The following ANKRD11 variants were observed in gnomAD, a reference collection of about 807,000 sequenced individuals.
The protein encoded by ANKRD11 is ankyrin repeat domain-containing protein 11.
In ANKRD11, 17 loss-of-function variants were observed where a neutral mutation model predicts 195.7. The ratio of observed to expected loss-of-function variants is 0.09; its 90% CI spans 0.06 to 0.13. The LOEUF is 0.13. Among genes scored for constraint, ANKRD11 ranks in the 10% least tolerant of loss-of-function variants. ANKRD11 has a pLI of 1.00. For synonymous variants in ANKRD11, 1,953 were observed against 1,528.1 expected, an observed-to-expected ratio of 1.28 and a Z score of -6.49; for missense variants, 3,735 against 3,566.1, an observed-to-expected ratio of 1.05 and a Z score of -1.21.
chr16:89,337,034 A>AAC, intron 2 of ANKRD11, among the ~76,000 whole-genome samples: 1 of 145,890 alleles, frequency 6.9e-6, no homozygotes. Flanking sequence ...AAAAAAAAAA[A>AAC]AATTAGCCAG....
chr16:89,489,219 ACACACACG>A (rs1170422330), intron 1 of ANKRD11: 1 of 107,032 alleles, frequency 9.3e-6, no homozygotes, highest in Non-Finnish European at 2.1e-5. Flanking sequence ...CTACACACAC[ACACACACG>A]CGCGCGCGCG....
intron 1 of ANKRD11, among the ~76,000 whole-genome samples, chr16:89,428,511 C>G (rs775911751): frequency 6.6e-6 from 1 of 150,820 alleles, no homozygotes; most frequent in Non-Finnish European, 1.5e-5. Context: ...GGTGACAGAG[C>G]GAGACTACAT....
chr16:89,390,031 G>A (rs1469210369), intron 2 of ANKRD11, among the ~76,000 whole-genome samples: 1 of 88,212 alleles, frequency 1.1e-5, no homozygotes. Context: ...CGAGTGTGAC[G>A]GGGAGCACCG....
chr16:89,273,608 A>G (rs2033374602), intron 11 of ANKRD11, among the ~76,000 whole-genome samples: 1 of 152,052 alleles, frequency 6.6e-6, no homozygotes, highest in Non-Finnish European at 1.5e-5. Flanking sequence ...GAGGCAGGAG[A>G]ATCGCTTGAA....
intron 2 of ANKRD11, among the ~76,000 whole-genome samples, chr16:89,369,566 A>G (rs968679671): frequency 6.6e-6 from 1 of 152,242 alleles, no homozygotes; most frequent in Non-Finnish European, 1.5e-5. Flanking sequence ...CCACAGACAG[A>G]AAACAAGACT....
intron 2 of ANKRD11, among the ~76,000 whole-genome samples, chr16:89,368,402 T>TTA (rs1567708994): frequency 1.1e-5 from 1 of 94,730 alleles, no homozygotes; most frequent in African/African-American, 4.0e-5. Context: ...TTTTTTTTTT[T>TTA]AGTAGAGATG....
At chr16:89,322,367 TC>T (rs1198214060) in intron 2 of ANKRD11, among the ~76,000 whole-genome samples, 1 of 152,232 alleles carries the variant, frequency 6.6e-6, no homozygotes, top group East Asian at 1.9e-4. Flanking sequence ...GGGCAAATGC[TC>T]CTCTCCTTAT....
At chr16:89,407,544 C>T (rs1206159146) in intron 2 of ANKRD11, among the ~76,000 whole-genome samples, 4 of 152,122 alleles carry the variant, frequency 2.6e-5, no homozygotes, top group African/African-American at 4.8e-5. Flanking sequence ...TTCTGGGCCG[C>T]GCAACATGGC....
intron 1 of ANKRD11, among the ~76,000 whole-genome samples, chr16:89,487,102 A>C (rs1217623603): frequency 6.6e-6 from 1 of 152,232 alleles, no homozygotes; most frequent in African/African-American, 2.4e-5. Context: ...ATTTGAATTC[A>C]TTCCATTTTT....
At chr16:89,467,417 G>C (rs1452860391) in intron 1 of ANKRD11, among the ~76,000 whole-genome samples, 1 of 152,242 alleles carries the variant, frequency 6.6e-6, no homozygotes, top group Admixed American at 6.5e-5. Context: ...ACTCCAGCCT[G>C]GACCACAGAG....
chr16:89,424,730 G>A (rs1252141954), intron 1 of ANKRD11, among the ~76,000 whole-genome samples: 2 of 152,212 alleles, frequency 1.3e-5, no homozygotes, highest in Non-Finnish European at 2.9e-5. Context: ...TTAGGGACCA[G>A]GGTGGGGAGA....
At chr16:89,294,889 C>T (rs779045214) in intron 4 of ANKRD11, among the ~76,000 whole-genome samples, 23 of 152,344 alleles carry the variant, frequency 1.5e-4, no homozygotes, top group South Asian at 1.0e-3. Context: ...CAGTGCAGAG[C>T]GCAGGAGGCG....
intron 2 of ANKRD11, among the ~76,000 whole-genome samples, chr16:89,377,723 G>A (rs918019714): frequency 6.6e-6 from 1 of 152,134 alleles, no homozygotes; most frequent in African/African-American, 2.4e-5. Context: ...ACACCTGTCT[G>A]TGACATGGGC....
At chr16:89,431,819 C>CTCCTCACACA (rs2042990369) in intron 1 of ANKRD11, among the ~76,000 whole-genome samples, 1 of 152,286 alleles carries the variant, frequency 6.6e-6, no homozygotes, top group African/African-American at 2.4e-5. Flanking sequence ...CCACCTTACT[C>CTCCTCACACA]GGCTCTCCTC....
chr16:89,319,160 C>T (rs1385730431), intron 2 of ANKRD11, among the ~76,000 whole-genome samples: 1 of 152,220 alleles, frequency 6.6e-6, no homozygotes, highest in African/African-American at 2.4e-5. Context: ...GTCCTGATCC[C>T]AGATGTGAGT....
At chr16:89,316,821 C>A (rs939992752) in intron 3 of ANKRD11, 112 bp downstream of exon 3, 4 of 1,308,924 alleles carry the variant, frequency 3.1e-6, no homozygotes, top group East Asian at 5.0e-5. Context: ...GACAGAGGCA[C>A]GAGGAAAGGG....
intron 4 of ANKRD11, among the ~76,000 whole-genome samples, chr16:89,298,547 C>G (rs532980442): frequency 1.3e-5 from 2 of 152,256 alleles, no homozygotes; most frequent in East Asian, 1.9e-4. Flanking sequence ...TGCCCGCCCC[C>G]CTCACTTGGC....
intron 2 of ANKRD11, among the ~76,000 whole-genome samples, chr16:89,388,292 G>GCTTTTTTTT (rs1567734637): frequency 4.9e-5 from 3 of 61,052 alleles, no homozygotes; most frequent in Non-Finnish European, 1.2e-4. Context: ...CCATGAGGCT[G>GCTTTTTTTT]ATTTTTTTTT....
chr16:89,313,706 T>G (rs1056997664), intron 3 of ANKRD11: 9 of 821,956 alleles, frequency 1.1e-5, no homozygotes, highest in Non-Finnish European at 1.2e-5. Flanking sequence ...GTCAGATGTG[T>G]GCACCTGAGT....
Sources: allele counts gnomAD v4.1 joint callset (sites outside exome capture counted in the v4.1 genomes callset), GRCh38; gene constraint gnomAD v4.1.1; transcripts MANE v1.5; gene names NCBI Gene and HGNC (gene_info 2026-07-23, HGNC 2026-07-21).